The following KIAA1217 variants were observed in gnomAD, a reference collection of about 807,000 sequenced individuals.
KIAA1217 encodes KIAA1217.
In KIAA1217, 88 loss-of-function variants were observed where a neutral mutation model predicts 163.9. The ratio of observed to expected loss-of-function variants is 0.54; its 90% CI spans 0.45 to 0.64. The LOEUF is 0.64. Among genes scored for constraint, KIAA1217 ranks in the 30% least tolerant of loss-of-function variants. The pLI is 0.00. For synonymous variants in KIAA1217, 903 were observed against 923.1 expected (o/e 0.98, Z 0.39); for missense variants, 2,372 against 2,475.0 (o/e 0.96, Z 0.88).
chr10:24,275,210 G>A (rs12219473), intron 2 of KIAA1217, among the ~76,000 whole-genome samples: 10,815 of 152,220 alleles, frequency 0.071, 462 homozygotes, highest in East Asian at 0.22. Context: ...TTGAACTCCT[G>A]TCACAAAGCA....
intron 1 of KIAA1217, among the ~76,000 whole-genome samples, chr10:23,898,319 A>G (rs1160393996): frequency 6.6e-6 from 1 of 151,718 alleles, no homozygotes; most frequent in Non-Finnish European, 1.5e-5. Context: ...ACACACACAC[A>G]CACACACATA....
chr10:24,064,454 C>A (rs1239426885), intron 2 of KIAA1217, among the ~76,000 whole-genome samples: 2 of 152,100 alleles, frequency 1.3e-5, no homozygotes, highest in African/African-American at 4.8e-5. Flanking sequence ...TATTGATTTG[C>A]ATATGTTGAA....
chr10:23,854,523 A>G (rs941590391), intron 1 of KIAA1217, among the ~76,000 whole-genome samples: 1 of 151,816 alleles, frequency 6.6e-6, no homozygotes, highest in Non-Finnish European at 1.5e-5. Flanking sequence ...GTAGATGTCT[A>G]TTAGATCCGC....
chr10:24,524,293 G>GT, intron 12 of KIAA1217, 30 bp from the exon 13 acceptor site: 1 of 1,588,178 alleles, frequency 6.3e-7, no homozygotes, highest in South Asian at 1.1e-5. Flanking sequence ...TGACATGAGG[G>GT]TTAATGCCGC....
chr10:24,475,082 G>A (rs956395152), intron 6 of KIAA1217, among the ~76,000 whole-genome samples: 1 of 152,084 alleles, frequency 6.6e-6, no homozygotes, highest in Admixed American at 6.6e-5. Flanking sequence ...AGTCGGGTGT[G>A]GTGGCAGGTG....
At chr10:24,082,528 G>A (rs1194499167) in intron 2 of KIAA1217, among the ~76,000 whole-genome samples, 1 of 152,104 alleles carries the variant, frequency 6.6e-6, no homozygotes, top group African/African-American at 2.4e-5. Flanking sequence ...AGTTTGCTGA[G>A]GATGATGGCT....
At position 23,706,726 on chromosome 10, in the gene KIAA1217, T is replaced by G. The variant is rs74122368; in HGVS notation, c.-321+11492T>G. Among the ~76,000 whole-genome samples the G allele has an allele frequency of 4.7e-3, 713 of 152,316 alleles. 7 individuals are homozygous for G. The highest frequency in any genetic ancestry group is 0.016 in the African/African-American group (655 of 41,566). On this transcript the variant is annotated intron_variant, in intron 1 of 18. Coordinates refer to the KIAA1217 transcript ENST00000376462. ...GGTCTGTAATTTTCTTGTGATATTTTTGTCTGGTTTGAGTGTCAGGATAAA... is the reference window on the plus strand; with the variant it reads ...GGTCTGTAATTTTCTTGTGATATTTGTGTCTGGTTTGAGTGTCAGGATAAA...
At chr10:23,947,180 T>C (rs1325765946) in intron 1 of KIAA1217, among the ~76,000 whole-genome samples, 8 of 152,192 alleles carry the variant, frequency 5.3e-5, no homozygotes, top group Non-Finnish European at 1.2e-4. Context: ...GTCTCAGGTA[T>C]GTCTTTATTA....
intron 2 of KIAA1217, among the ~76,000 whole-genome samples, chr10:24,374,683 T>G (rs2052206885): frequency 6.6e-6 from 1 of 152,218 alleles, no homozygotes; most frequent in Non-Finnish European, 1.5e-5. Context: ...TGGGGAGATA[T>G]CATTCAGATT....
At chr10:24,493,959 C>T (rs974199279) in intron 6 of KIAA1217, among the ~76,000 whole-genome samples, 4 of 152,052 alleles carry the variant, frequency 2.6e-5, no homozygotes, top group South Asian at 2.1e-4. Flanking sequence ...CGCGCCCGGC[C>T]GGGTTTCAGT....
intron 3 of KIAA1217, among the ~76,000 whole-genome samples, chr10:24,398,040 G>A (rs1017268713): frequency 3.3e-5 from 5 of 152,128 alleles, no homozygotes; most frequent in African/African-American, 7.2e-5. Flanking sequence ...GATTAGGGGC[G>A]CTGACTCCCC....
At position 24,495,309 on chromosome 10, in the gene KIAA1217, G is replaced by A. The variant is rs1474530625; in HGVS notation, c.1834+113G>A. ...AAGTCACGTATTTGGTATGATGTCA[G>A]GGGATTCCTAGATATTCCTGCCAAT... is the stretch of plus-strand genomic sequence containing the variant. On this transcript the variant is annotated intron_variant, in intron 8 of 20. Coordinates refer to ENST00000376454, the MANE Select transcript of KIAA1217 (RefSeq NM_019590.5). 14 of 809,736 alleles carry A rather than the reference G, an allele frequency of 1.7e-5. No individual in the cohort carries two copies. In the East Asian group the frequency reaches 2.4e-4, roughly 14 times the overall value. The allele number at this position is 809,736 out of a possible 1,614,324, so 50.2% of individuals were successfully genotyped here.
intron 1 of KIAA1217, among the ~76,000 whole-genome samples, chr10:23,934,811 G>A (rs1843454073): frequency 1.3e-5 from 2 of 150,888 alleles, no homozygotes; most frequent in Non-Finnish European, 2.9e-5. Context: ...TAGAGACGGA[G>A]TCTCACCATG....
chr10:23,730,047 G>A (rs188287444), intron 1 of KIAA1217, among the ~76,000 whole-genome samples: 59 of 152,072 alleles, frequency 3.9e-4, no homozygotes, highest in East Asian at 9.7e-4. Context: ...GACAACAGGC[G>A]CCCACCACCA....
intron 9 of KIAA1217, among the ~76,000 whole-genome samples, chr10:24,502,240 CT>C (rs772404852): frequency 0.029 from 2,362 of 80,622 alleles, 24 homozygotes; most frequent in East Asian, 0.12. Context: ...GTCAGCCAAG[CT>C]TTTTTTTTTT....
At chr10:24,473,174 C>A in intron 5 of KIAA1217, 54 bp from the exon 6 acceptor site, 3 of 1,296,178 alleles carry the variant, frequency 2.3e-6, no homozygotes, top group Non-Finnish European at 3.2e-6. Context: ...ACTGAGACTT[C>A]TCTTGAAACA....
intron 2 of KIAA1217, among the ~76,000 whole-genome samples, chr10:24,273,402 C>T (rs1208415594): frequency 6.6e-6 from 1 of 152,118 alleles, no homozygotes; most frequent in East Asian, 1.9e-4. Context: ...CATACCCTTG[C>T]TACTTTCATT....
rs535020200 is a variant in KIAA1217, at chr10:24,469,494, C to A, written c.847-3734C>A. On this transcript the variant is annotated intron_variant, in intron 5 of 20. Coordinates refer to ENST00000376454, the MANE Select transcript of KIAA1217 (RefSeq NM_019590.5). ...AAAGCTTCTGCTGGTTAATTGGGAT[C>A]GTAGTCCCCCAGATAAAGATGTACT... Among the ~76,000 whole-genome samples, 8 of 151,980 alleles carry A rather than the reference C, an allele frequency of 5.3e-5. No homozygotes were observed. The South Asian group carries it at 1.7e-3, about 32-fold the overall frequency.
intron 1 of KIAA1217, among the ~76,000 whole-genome samples, chr10:23,832,097 C>T (rs980859092): frequency 1.3e-5 from 2 of 152,040 alleles, no homozygotes; most frequent in African/African-American, 4.8e-5. Context: ...GGTTGAGAGC[C>T]CAGTCCCACA....
Sources: allele counts gnomAD v4.1 joint callset (sites outside exome capture counted in the v4.1 genomes callset), GRCh38; gene constraint gnomAD v4.1.1; transcripts MANE v1.5; gene names NCBI Gene and HGNC (gene_info 2026-07-23, HGNC 2026-07-21).